Variants in DGKB observed in about 807,000 individuals in gnomAD.
The protein encoded by DGKB is 90 kDa diacylglycerol kinase.
DGKB carries 67 observed loss-of-function variants against 114.3 expected under a neutral mutation model. The ratio of observed to expected loss-of-function variants is 0.59; its 90% CI spans 0.48 to 0.72. The LOEUF (loss-of-function observed/expected upper bound fraction) is 0.72. DGKB is among the 30% of genes least tolerant of loss of function. DGKB has a pLI of 0.00. For missense variants in DGKB, 907 were observed against 975.2 expected (o/e 0.93, Z 0.93); for synonymous variants, 398 against 323.1 (o/e 1.23, Z -2.49).
chr7:14,737,771 A>G (rs991415696), intron 4 of DGKB, among the ~76,000 whole-genome samples: 12 of 151,780 alleles, frequency 7.9e-5, no homozygotes, highest in African/African-American at 2.9e-4. Context: ...TTTCTTCTAT[A>G]TTTCATAAAT....
chr7:14,914,195 A>G (rs1024229519), intron 1 of DGKB, among the ~76,000 whole-genome samples: 9 of 152,198 alleles, frequency 5.9e-5, no homozygotes, highest in Non-Finnish European at 1.3e-4. Context: ...AAAAGCATCA[A>G]TTAAAAAGCT....
chr7:14,727,066 A>G (rs1830135383), intron 5 of DGKB, among the ~76,000 whole-genome samples: 1 of 152,226 alleles, frequency 6.6e-6, no homozygotes, highest in South Asian at 2.1e-4. Context: ...TTGCTAGAAT[A>G]TTACAAACTG....
intron 17 of DGKB, among the ~76,000 whole-genome samples, chr7:14,598,559 T>C (rs1389730753): frequency 6.6e-6 from 1 of 152,212 alleles, no homozygotes; most frequent in East Asian, 1.9e-4. Flanking sequence ...TTGCAGATGG[T>C]AAATGTTCAT....
At chr7:14,525,248 C>T (rs559995864) in intron 20 of DGKB, among the ~76,000 whole-genome samples, 2 of 152,236 alleles carry the variant, frequency 1.3e-5, no homozygotes, top group East Asian at 3.9e-4. Context: ...CATTCTGTAG[C>T]CCTGATCTGA....
intron 1 of DGKB, among the ~76,000 whole-genome samples, chr7:14,964,583 T>G (rs1007205009): frequency 6.6e-6 from 1 of 152,086 alleles, no homozygotes; most frequent in Non-Finnish European, 1.5e-5. Context: ...GGCCAGTAAA[T>G]CAATGATCTT....
intron 15 of DGKB, among the ~76,000 whole-genome samples, chr7:14,614,409 A>T (rs1027123774): frequency 6.6e-6 from 1 of 152,126 alleles, no homozygotes. Context: ...ATTTAATAAC[A>T]AAAGTATTCA....
chr7:14,648,281 C>A (rs1004777624), intron 13 of DGKB, among the ~76,000 whole-genome samples: 2 of 152,150 alleles, frequency 1.3e-5, no homozygotes, highest in Non-Finnish European at 2.9e-5. Flanking sequence ...GTTCTCCCAG[C>A]ATGCAGCTGG....
At chr7:14,586,524 G>C (rs535785319) in intron 17 of DGKB, among the ~76,000 whole-genome samples, 13 of 152,084 alleles carry the variant, frequency 8.5e-5, no homozygotes, top group African/African-American at 3.1e-4. Flanking sequence ...AAGGTGGTAC[G>C]CTAAACAACA....
At chr7:14,452,708 C>CTAA (rs2128845532) in intron 21 of DGKB, among the ~76,000 whole-genome samples, 1 of 152,112 alleles carries the variant, frequency 6.6e-6, no homozygotes, top group South Asian at 2.1e-4. Context: ...AAGGAAACAA[C>CTAA]TAATATAAGC....
At chr7:14,672,358 G>A (rs1002557422) in intron 13 of DGKB, among the ~76,000 whole-genome samples, 3 of 151,864 alleles carry the variant, frequency 2.0e-5, no homozygotes, top group Non-Finnish European at 4.4e-5. Context: ...ACCAAGGTTC[G>A]TTCTTTTCAT....
chr7:14,285,721 G>A (rs1176894159), intron 23 of DGKB, among the ~76,000 whole-genome samples: 1 of 152,006 alleles, frequency 6.6e-6, no homozygotes, highest in Non-Finnish European at 1.5e-5. Flanking sequence ...ATATATTTTT[G>A]GAAGGTACAT....
chr7:14,929,148 G>C (rs1784883677), intron 1 of DGKB, among the ~76,000 whole-genome samples: 1 of 151,614 alleles, frequency 6.6e-6, no homozygotes, highest in Non-Finnish European at 1.5e-5. Flanking sequence ...AAACACTTAG[G>C]TTGATTCCAT....
At chr7:14,597,828 G>C (rs555830949) in intron 17 of DGKB, among the ~76,000 whole-genome samples, 1 of 151,620 alleles carries the variant, frequency 6.6e-6, no homozygotes, top group African/African-American at 2.4e-5. Context: ...TAATTTACAT[G>C]TGTGTGTGTG....
Position 14,543,591 on chromosome 7 carries a change from G to C in DGKB, c.1770+30621C>G, listed in dbSNP as rs76862912. Reference sequence around the variant, plus strand: ...TGCACGAACTTGAGAAAATCTCCCTGAACTTCACTTCTCTTCAGTGGAATG... The same window carrying C: ...TGCACGAACTTGAGAAAATCTCCCTCAACTTCACTTCTCTTCAGTGGAATG... On this transcript the variant is annotated intron_variant, in intron 20 of 25. Coordinates refer to ENST00000402815, the MANE Select transcript of DGKB (RefSeq NM_001350709.2). Among the ~76,000 whole-genome samples the C allele has an allele frequency of 3.9e-3, 598 of 152,276 alleles. 1 individual carries two copies. The highest frequency in any genetic ancestry group is 6.8e-3 in the Non-Finnish European group (462 of 68,022).
At chr7:14,422,526 G>A (rs2128767257) in intron 21 of DGKB, among the ~76,000 whole-genome samples, 1 of 152,086 alleles carries the variant, frequency 6.6e-6, no homozygotes, top group African/African-American at 2.4e-5. Context: ...CCGCAGCAGA[G>A]GACACAAAAT....
intron 20 of DGKB, among the ~76,000 whole-genome samples, chr7:14,516,335 T>A (rs1257417598): frequency 6.6e-6 from 1 of 152,172 alleles, no homozygotes; most frequent in African/African-American, 2.4e-5. Context: ...AAATATCCAC[T>A]CTCTCCCAGT....
chr7:14,253,708 A>G (rs1455504495), intron 23 of DGKB, among the ~76,000 whole-genome samples: 1 of 152,174 alleles, frequency 6.6e-6, no homozygotes. Context: ...GAAAACTAAA[A>G]TGACCTCTTT....
chr7:14,611,025 A>G (rs751716745), intron 16 of DGKB, among the ~76,000 whole-genome samples: 5 of 152,020 alleles, frequency 3.3e-5, no homozygotes, highest in Non-Finnish European at 7.4e-5. Context: ...TTTTCCTTAC[A>G]TTGTCATCCC....
intron 20 of DGKB, among the ~76,000 whole-genome samples, chr7:14,531,775 T>C (rs1443832030): frequency 1.3e-5 from 2 of 151,302 alleles, no homozygotes; most frequent in Non-Finnish European, 3.0e-5. Flanking sequence ...CTATCTGATT[T>C]AGAAACTTTC....
Sources: allele counts gnomAD v4.1 joint callset (sites outside exome capture counted in the v4.1 genomes callset), GRCh38; gene constraint gnomAD v4.1.1; transcripts MANE v1.5; gene names NCBI Gene and HGNC (gene_info 2026-07-23, HGNC 2026-07-21).